The following NLGN1 variants were observed in gnomAD, a reference collection of about 807,000 sequenced individuals.
The protein encoded by NLGN1 is neuroligin 1, also known as neuroligin-1.
A neutral mutation model predicts 65.5 loss-of-function variants in NLGN1; 12 were observed. The observed-to-expected ratio is 0.18, with a 90% CI of 0.12 to 0.30. The LOEUF is 0.30. NLGN1 is among the 10% of genes least tolerant of loss of function. The probability of loss-of-function intolerance (pLI) is 1.00; values close to 1 mark genes in which losing one functional copy is unlikely to be tolerated. For synonymous variants in NLGN1, 350 were observed against 359.5 expected, an observed-to-expected ratio of 0.97 and a Z score of 0.30; for missense variants, 750 against 1,007.1, an observed-to-expected ratio of 0.74 and a Z score of 3.46.
In NLGN1 at chr3:174,280,394, C is replaced by T. The variant is rs1751336902; in HGVS notation, c.1650-87C>T. 5.7e-6 allele frequency: 5 copies of T among 882,658 alleles called. No homozygotes were observed. In the South Asian group the frequency reaches 8.9e-5, roughly 16 times the overall value. 54.7% of individuals were successfully genotyped at this position (882,658 alleles called of 1,614,324 possible). On this transcript the variant is annotated intron_variant, in intron 6 of 6. Transcript: ENST00000457714. This position sits in a 1 kb window ranked among gnomAD's most constrained non-coding sequence, Gnocchi z 4.9. ...ACAATCTAAAGCATTGCTGAGTCAT[C>T]TATTTAATTATTAGATGTTAAAGTA...
chr3:173,733,658 C>T (rs1773235274), intron 3 of NLGN1, among the ~76,000 whole-genome samples: 1 of 152,042 alleles, frequency 6.6e-6, no homozygotes, highest in Admixed American at 6.6e-5. Context: ...TATGACACCA[C>T]TTTTCAAGTT....
intron 3 of NLGN1, among the ~76,000 whole-genome samples, chr3:173,755,085 A>G (rs564845986): frequency 9.9e-5 from 15 of 152,106 alleles, no homozygotes; most frequent in Non-Finnish European, 1.9e-4. Flanking sequence ...TTCCCTGACA[A>G]TATTTTTCTT....
chr3:173,445,306 T>C (rs1720055111), intron 2 of NLGN1, among the ~76,000 whole-genome samples: 1 of 150,080 alleles, frequency 6.7e-6, no homozygotes, highest in Admixed American at 6.6e-5. Flanking sequence ...CAAGGACTTG[T>C]GTGAAGATCT....
At chr3:173,685,472 A>G (rs1352781949) in intron 3 of NLGN1, among the ~76,000 whole-genome samples, 2 of 152,188 alleles carry the variant, frequency 1.3e-5, no homozygotes, top group Non-Finnish European at 2.9e-5. Context: ...TCCTACTTAA[A>G]CAATATTGCT....
At chr3:173,911,809 G>A (rs920253393) in intron 4 of NLGN1, among the ~76,000 whole-genome samples, 3 of 152,102 alleles carry the variant, frequency 2.0e-5, no homozygotes, top group Non-Finnish European at 4.4e-5. Flanking sequence ...TTGTTTCCTC[G>A]AAGTTTATTT....
At chr3:174,187,204 A>G (rs534707624) in intron 4 of NLGN1, among the ~76,000 whole-genome samples, 1 of 152,092 alleles carries the variant, frequency 6.6e-6, no homozygotes, top group Admixed American at 6.6e-5. Context: ...ACCCTCAGAT[A>G]TGGGGGTCCT....
intron 3 of NLGN1, among the ~76,000 whole-genome samples, chr3:173,768,770 A>G (rs1029099034): frequency 6.6e-6 from 1 of 152,116 alleles, no homozygotes; most frequent in Non-Finnish European, 1.5e-5. Flanking sequence ...AAACCAAACT[A>G]ACATTTTGTT....
chr3:174,079,274 C>T (rs938534475), intron 4 of NLGN1, among the ~76,000 whole-genome samples: 12 of 151,896 alleles, frequency 7.9e-5, no homozygotes, highest in African/African-American at 2.9e-4. Context: ...GCGGCCAACA[C>T]TCATATGAAA....
chr3:173,582,366 A>G (rs552582092), intron 2 of NLGN1, among the ~76,000 whole-genome samples: 2 of 152,200 alleles, frequency 1.3e-5, no homozygotes, highest in East Asian at 1.9e-4. Context: ...AAACTGGATT[A>G]TAGGACATAA....
intron 4 of NLGN1, among the ~76,000 whole-genome samples, chr3:174,212,105 T>G (rs7632602): frequency 0.11 from 17,060 of 152,246 alleles, 2,170 homozygotes; most frequent in African/African-American, 0.31. Context: ...TGCAGGTCCC[T>G]AGCCCTGCCC....
chr3:173,667,793 C>T (rs1577847633), intron 3 of NLGN1, among the ~76,000 whole-genome samples: 1 of 152,176 alleles, frequency 6.6e-6, no homozygotes, highest in East Asian at 1.9e-4. Context: ...CCACGCCTGG[C>T]TCACTTTTGT....
rs1577456139 is a variant in NLGN1 at position 174,227,457 on chromosome 3, C to G, written c.647-47858C>G. The stretch of plus-strand genomic sequence containing the variant: ...TACAGCAGGATTCAAACACAATTCT[C>G]TTCAGTTTATTCATATCTTTTTTAT... On this transcript the variant is annotated intron_variant, in intron 4 of 6. Transcript: ENST00000457714. Among the ~76,000 whole-genome samples the G allele has an allele frequency of 2.6e-5, 4 of 151,494 alleles. No homozygotes were observed. In the East Asian group the frequency reaches 5.8e-4, roughly 22 times the overall value.
intron 2 of NLGN1, among the ~76,000 whole-genome samples, chr3:173,600,362 G>A (rs114248566): frequency 0.01 from 1,555 of 152,052 alleles, 30 homozygotes; most frequent in African/African-American, 0.035. Context: ...TCAAGCCAGG[G>A]AGCTCTAATG....
intron 2 of NLGN1, among the ~76,000 whole-genome samples, chr3:173,474,080 T>A (rs2148938208): frequency 6.6e-6 from 1 of 152,102 alleles, no homozygotes; most frequent in Non-Finnish European, 1.5e-5. Context: ...CTGGGTGTAT[T>A]TTTTTTTCTT....
At chr3:173,691,400 A>G (rs1765446121) in intron 3 of NLGN1, among the ~76,000 whole-genome samples, 1 of 152,132 alleles carries the variant, frequency 6.6e-6, no homozygotes, top group African/African-American at 2.4e-5. Context: ...CTTAATTTAT[A>G]ATAGGCTCTT....
At chr3:173,919,011 T>A (rs1360938148) in intron 4 of NLGN1, among the ~76,000 whole-genome samples, 2 of 152,148 alleles carry the variant, frequency 1.3e-5, no homozygotes, top group Non-Finnish European at 2.9e-5. Context: ...AATTTCTGTC[T>A]CTGATTTTGC....
chr3:173,837,875 G>A (rs1234035877), intron 4 of NLGN1, among the ~76,000 whole-genome samples: 1 of 152,188 alleles, frequency 6.6e-6, no homozygotes, highest in Non-Finnish European at 1.5e-5. Flanking sequence ...GTGGGAACAG[G>A]TGGAGACTGT....
intron 4 of NLGN1, among the ~76,000 whole-genome samples, chr3:173,971,739 C>T (rs1716287324): frequency 6.6e-6 from 1 of 152,042 alleles, no homozygotes; most frequent in Non-Finnish European, 1.5e-5. Flanking sequence ...GGACTGGTTC[C>T]TAACTCATAC....
intron 4 of NLGN1, among the ~76,000 whole-genome samples, chr3:174,063,496 T>C (rs1737839093): frequency 6.6e-6 from 1 of 152,166 alleles, no homozygotes; most frequent in Non-Finnish European, 1.5e-5. Flanking sequence ...GGTACACTAA[T>C]GTCTGTTTAA....
Sources: allele counts gnomAD v4.1 joint callset (sites outside exome capture counted in the v4.1 genomes callset), GRCh38; gene constraint gnomAD v4.1.1; non-coding constraint Gnocchi (gnomAD v3.1); transcripts MANE v1.5; gene names NCBI Gene and HGNC (gene_info 2026-07-23, HGNC 2026-07-21).